Variants in MTMR12 observed in about 807,000 individuals in gnomAD.
The protein encoded by MTMR12 is myotubularin related protein 12.
A neutral mutation model predicts 96.7 loss-of-function variants in MTMR12; 33 were observed. That is an observed-to-expected ratio of 0.34 (90% CI 0.26 to 0.46). The LOEUF (loss-of-function observed/expected upper bound fraction) is 0.46, where lower values mean the gene tolerates loss of function less well. MTMR12 is among the 20% of genes least tolerant of loss of function. MTMR12 has a pLI of 1.00. For synonymous variants in MTMR12, 298 were observed against 327.2 expected (o/e 0.91, Z 0.96); for missense variants, 721 against 896.1 (o/e 0.80, Z 2.49).
Position 32,312,806 on chromosome 5 carries a change from G to A in MTMR12, c.33C>T (p.Gly11=). Residue 11 remains glycine (G), a synonymous_variant, in exon 1 of 16, where the codon GGC becomes GGT. Coordinates refer to ENST00000382142, the MANE Select transcript of MTMR12 (RefSeq NM_001040446.3). The surrounding 1 kb of genome is among the most constrained non-coding windows in gnomAD (Gnocchi z 5.0). ...AGGAGGGCTTGGGGGCCTTGGTGCCGCCGCCACCGCCGACTACTCCTTTCC... is the reference window on the plus strand; with the variant it reads ...AGGAGGGCTTGGGGGCCTTGGTGCCACCGCCACCGCCGACTACTCCTTTCC... The part of the protein sequence containing the change: MLGKGVVGGG[G]GTKAPKPSFV... The A allele has an allele frequency of 1.3e-6, 2 of 1,532,396 alleles. No individual in the cohort carries two copies. Among genetic ancestry groups the A allele is most frequent in the Non-Finnish European group, 1.8e-6 (2 of 1,142,834 alleles). The allele number at this position is 1,532,396 out of a possible 1,614,324, so 94.9% of individuals were successfully genotyped here.
chr5:32,279,447 T>C (rs1001577819), intron 1 of MTMR12, among the ~76,000 whole-genome samples: 3 of 152,130 alleles, frequency 2.0e-5, no homozygotes, highest in Non-Finnish European at 4.4e-5. Flanking sequence ...ACCAAGGATC[T>C]GCAAGCTCCA....
At chr5:32,281,713 A>G (rs1458614297) in intron 1 of MTMR12, among the ~76,000 whole-genome samples, 2 of 151,962 alleles carry the variant, frequency 1.3e-5, no homozygotes, top group Non-Finnish European at 2.9e-5. Context: ...CAGCCTGACC[A>G]ACGTGCTGAA....
chr5:32,294,315 T>G (rs907594213), intron 1 of MTMR12, among the ~76,000 whole-genome samples: 17 of 152,142 alleles, frequency 1.1e-4, no homozygotes, highest in African/African-American at 4.1e-4. Flanking sequence ...TTCCTTTTTT[T>G]TTTTAAAGAC....
chr5:32,298,030 C>T (rs1037118793), intron 1 of MTMR12, among the ~76,000 whole-genome samples: 1 of 152,224 alleles, frequency 6.6e-6, no homozygotes, highest in African/African-American at 2.4e-5. Flanking sequence ...AGGATCTTGG[C>T]TGTGCCTTGA....
chr5:32,258,526 G>A (rs571441227), intron 7 of MTMR12, among the ~76,000 whole-genome samples: 1 of 152,196 alleles, frequency 6.6e-6, no homozygotes, highest in Non-Finnish European at 1.5e-5. Context: ...TGTTGTTCCA[G>A]AAGATCCTGC....
At chr5:32,232,450 G>A (rs190866110) in intron 15 of MTMR12, among the ~76,000 whole-genome samples, 2 of 152,344 alleles carry the variant, frequency 1.3e-5, no homozygotes, top group East Asian at 3.9e-4. Flanking sequence ...AAGGAAAAGA[G>A]ATGATTAGAA....
At chr5:32,281,868 C>G (rs1750307019) in intron 1 of MTMR12, among the ~76,000 whole-genome samples, 1 of 150,122 alleles carries the variant, frequency 6.7e-6, no homozygotes, top group Non-Finnish European at 1.5e-5. Flanking sequence ...CCATTGCACT[C>G]CAGCCTGGGA....
At position 32,300,583 on chromosome 5, in the gene MTMR12, C is replaced by A. The variant is rs1294671239; in HGVS notation, c.81+12175G>T. 2.0e-5 allele frequency among the ~76,000 whole-genome samples: 3 copies of A among 152,266 alleles called. 1 individual carries two copies. The South Asian group carries it at 6.2e-4, about 32-fold the overall frequency. Reference sequence around the variant, plus strand: ...TCTCATGCACCCCAGAGCTCCCATACCCCCTCTCTGTCTGCCACCCAGATT... The same window carrying A: ...TCTCATGCACCCCAGAGCTCCCATAACCCCTCTCTGTCTGCCACCCAGATT... On this transcript the variant is annotated intron_variant, in intron 1 of 15. Coordinates refer to ENST00000382142, the MANE Select transcript of MTMR12 (RefSeq NM_001040446.3).
chr5:32,230,211 T>C lies in MTMR12; in HGVS notation c.1811A>G (p.Glu604Gly). 6.2e-7 allele frequency: 1 copy of C among 1,614,240 alleles called. No homozygotes were observed. The highest frequency in any genetic ancestry group is 8.5e-7 in the Non-Finnish European group (1 of 1,180,050). The change falls in exon 16 of 16, where the codon GAG becomes GGG. Residue 604 changes from glutamate to glycine, a missense_variant. Coordinates refer to ENST00000382142, the MANE Select transcript of MTMR12 (RefSeq NM_001040446.3). Reference protein sequence around the residue: ...RISKLINSSDELQDNFREFYD... With the variant: ...RISKLINSSDGLQDNFREFYD... Reference sequence around the variant, plus strand: ...GAACTCTCGAAAGTTGTCTTGGAGCTCATCAGAAGAATTAATAAGTTTGCT... The same window carrying C: ...GAACTCTCGAAAGTTGTCTTGGAGCCCATCAGAAGAATTAATAAGTTTGCT...
At chr5:32,246,851 C>T (rs192779861) in intron 10 of MTMR12, among the ~76,000 whole-genome samples, 36 of 152,278 alleles carry the variant, frequency 2.4e-4, no homozygotes, top group African/African-American at 8.7e-4. Flanking sequence ...ATTTCTTACC[C>T]TTCTTAGCTC....
intron 7 of MTMR12, among the ~76,000 whole-genome samples, chr5:32,258,043 C>T (rs1031502336): frequency 1.3e-5 from 2 of 151,994 alleles, no homozygotes; most frequent in Admixed American, 6.6e-5. Context: ...GGAAGAATCG[C>T]TTGAGCCCAG....
chr5:32,304,585 T>C (rs1376023224), intron 1 of MTMR12, among the ~76,000 whole-genome samples: 4 of 152,226 alleles, frequency 2.6e-5, no homozygotes, highest in Admixed American at 6.5e-5. Flanking sequence ...GGTGGTTTAA[T>C]GTGGAAGAAC....
In MTMR12 at chr5:32,312,582, C is replaced by T. The variant is rs1751641407; in HGVS notation, c.81+176G>A. Among the ~76,000 whole-genome samples, 1 of 152,090 alleles carries T rather than the reference C, an allele frequency of 6.6e-6. No individual in the cohort carries two copies. Among genetic ancestry groups the T allele is most frequent in the East Asian group, 1.9e-4 (1 of 5,184 alleles). ...CCTGCCTGCGCCGGGGTCCCCATTC[C>T]GGCCCGCGCGGAGGCCCCAGCGCGC... On this transcript the variant is annotated intron_variant, in intron 1 of 15. Coordinates refer to ENST00000382142, the MANE Select transcript of MTMR12 (RefSeq NM_001040446.3). This position sits in a 1 kb window ranked among gnomAD's most constrained non-coding sequence, Gnocchi z 5.0.
At chr5:32,305,245 C>T (rs1260684141) in intron 1 of MTMR12, among the ~76,000 whole-genome samples, 1 of 152,034 alleles carries the variant, frequency 6.6e-6, no homozygotes, top group African/African-American at 2.4e-5. Flanking sequence ...TTCGCTACCA[C>T]GCCCGGCTAA....
At chr5:32,230,399 T>C in intron 15 of MTMR12, 52 bp from the exon 16 acceptor site, 1 of 1,468,998 alleles carries the variant, frequency 6.8e-7, no homozygotes, top group Non-Finnish European at 9.2e-7. Flanking sequence ...CAGGCACAGT[T>C]AACAGCTGTT....
At chr5:32,232,374 C>T (rs889641850) in intron 15 of MTMR12, among the ~76,000 whole-genome samples, 2 of 152,252 alleles carry the variant, frequency 1.3e-5, no homozygotes, top group African/African-American at 2.4e-5. Flanking sequence ...AAATTCTCCA[C>T]CCCTTCAGCT....
chr5:32,291,451 T>C (rs1654164503), intron 1 of MTMR12, among the ~76,000 whole-genome samples: 1 of 152,090 alleles, frequency 6.6e-6, no homozygotes, highest in African/African-American at 2.4e-5. Context: ...GATTGGAAAA[T>C]TGGTGACAAA....
At chr5:32,281,259 A>AC (rs1554061932) in intron 1 of MTMR12, among the ~76,000 whole-genome samples, 1 of 149,382 alleles carries the variant, frequency 6.7e-6, no homozygotes, top group African/African-American at 2.5e-5. Context: ...AAAAAAAAAA[A>AC]AAAAACAAAA....
chr5:32,267,377 G>GAA (rs751223074), intron 6 of MTMR12, among the ~76,000 whole-genome samples: 6 of 89,934 alleles, frequency 6.7e-5, no homozygotes, highest in South Asian at 3.4e-4. Context: ...CTCCATCTCA[G>GAA]AAAAAAAAAA....
Sources: allele counts gnomAD v4.1 joint callset (sites outside exome capture counted in the v4.1 genomes callset), GRCh38; gene constraint gnomAD v4.1.1; non-coding constraint Gnocchi (gnomAD v3.1); transcripts MANE v1.5; gene names NCBI Gene and HGNC (gene_info 2026-07-23, HGNC 2026-07-21).